The following ARB2A variants were observed in gnomAD, a reference collection of about 807,000 sequenced individuals.
The protein encoded by ARB2A is cotranscriptional regulator ARB2A.
the ARB2A span, among the ~76,000 whole-genome samples, chr5:93,971,568 A>AT: frequency 2.4e-5 from 3 of 127,208 alleles, no homozygotes; most frequent in East Asian, 4.4e-4. Context: ...ACTCCGTCTC[A>AT]AAAATAAATA....
the ARB2A span, among the ~76,000 whole-genome samples, chr5:93,793,239 A>ATTTT: frequency 4.6e-5 from 3 of 64,780 alleles, 1 homozygote; most frequent in Admixed American, 5.2e-4. Context: ...CTTCTGGCTA[A>ATTTT]TTTTTTTTTT....
At chr5:93,804,090 T>C in the ARB2A span, among the ~76,000 whole-genome samples, 1 of 152,008 alleles carries the variant, frequency 6.6e-6, no homozygotes, top group Non-Finnish European at 1.5e-5. Flanking sequence ...TTTGGAAATA[T>C]ATGTACACAG....
chr5:93,989,842 T>C, the ARB2A span, among the ~76,000 whole-genome samples: 1 of 152,164 alleles, frequency 6.6e-6, no homozygotes, highest in Non-Finnish European at 1.5e-5. Flanking sequence ...GCACTCAGTA[T>C]AACATCATCA....
the ARB2A span, among the ~76,000 whole-genome samples, chr5:93,666,561 T>A: frequency 6.6e-6 from 1 of 151,980 alleles, no homozygotes; most frequent in Non-Finnish European, 1.5e-5. Context: ...TCCTGGTCCA[T>A]TTAACAGAGA....
chr5:93,817,980 A>G, the ARB2A span, among the ~76,000 whole-genome samples: 1 of 152,254 alleles, frequency 6.6e-6, no homozygotes, highest in Non-Finnish European at 1.5e-5. Flanking sequence ...ATAAAGACCT[A>G]TGAAAAATCA....
At chr5:93,968,742 C>G in the ARB2A span, among the ~76,000 whole-genome samples, 1 of 151,762 alleles carries the variant, frequency 6.6e-6, no homozygotes, top group Non-Finnish European at 1.5e-5. Flanking sequence ...ATAAATAAAA[C>G]AAAGAAACAA....
chr5:93,646,298 T>A, the ARB2A span, among the ~76,000 whole-genome samples: 2 of 151,944 alleles, frequency 1.3e-5, no homozygotes, highest in Non-Finnish European at 2.9e-5. Context: ...TAATCTCTCA[T>A]GCCAAAAATA....
At chr5:93,634,304 G>T in the ARB2A span, among the ~76,000 whole-genome samples, 2 of 151,976 alleles carry the variant, frequency 1.3e-5, no homozygotes, top group East Asian at 3.9e-4. Context: ...GGAGGCTGAG[G>T]GGGGAGAATC....
chr5:93,828,789 T>G, the ARB2A span, among the ~76,000 whole-genome samples: 1 of 152,202 alleles, frequency 6.6e-6, no homozygotes, highest in Non-Finnish European at 1.5e-5. Context: ...TATTTTTTTA[T>G]TTTTTGAGAC....
the ARB2A span, among the ~76,000 whole-genome samples, chr5:93,629,271 C>A: frequency 1.5e-4 from 23 of 151,712 alleles, no homozygotes; most frequent in African/African-American, 5.6e-4. Flanking sequence ...TTCTTAGTGC[C>A]CCAAAATAGT....
At chr5:93,737,698 A>T in the ARB2A span, 1 of 246,096 alleles carries the variant, frequency 4.1e-6, no homozygotes. Flanking sequence ...TGTGTGGTCA[A>T]CTGATTTTTG....
At chr5:93,714,542 G>A in the ARB2A span, among the ~76,000 whole-genome samples, 1 of 152,042 alleles carries the variant, frequency 6.6e-6, no homozygotes, top group Non-Finnish European at 1.5e-5. Context: ...AGTGATCTTA[G>A]ATTAAAAAAA....
chr5:93,915,193 G>C, the ARB2A span, among the ~76,000 whole-genome samples: 1 of 151,966 alleles, frequency 6.6e-6, no homozygotes, highest in African/African-American at 2.4e-5. Flanking sequence ...AAGTTTTTCA[G>C]TTGCATTCAA....
At chr5:93,883,926 C>CACAT in the ARB2A span, among the ~76,000 whole-genome samples, 67 of 21,260 alleles carry the variant, frequency 3.2e-3, no homozygotes, top group East Asian at 0.033. Context: ...CATACACATA[C>CACAT]ACACACACAC....
At chr5:93,891,154 T>C in the ARB2A span, among the ~76,000 whole-genome samples, 2 of 152,090 alleles carry the variant, frequency 1.3e-5, no homozygotes, top group Non-Finnish European at 2.9e-5. Flanking sequence ...AGGAAGCACA[T>C]AGTCCTTTTT....
At chr5:93,899,247 T>A in the ARB2A span, among the ~76,000 whole-genome samples, 2 of 152,230 alleles carry the variant, frequency 1.3e-5, no homozygotes, top group African/African-American at 4.8e-5. Flanking sequence ...ATCCATTAGC[T>A]AAAGAGCAGC....
the ARB2A span, among the ~76,000 whole-genome samples, chr5:94,047,351 G>C: frequency 6.6e-6 from 1 of 152,148 alleles, no homozygotes; most frequent in African/African-American, 2.4e-5. Context: ...AATTAGCCAG[G>C]TGTGGTGGTG....
At chr5:93,776,328 A>G in the ARB2A span, 3 of 1,024,240 alleles carry the variant, frequency 2.9e-6, no homozygotes, top group Non-Finnish European at 4.4e-6. Flanking sequence ...ATCCTATAAA[A>G]TCAACCACTA....
At chr5:93,618,248 A>G in the ARB2A span, 1 of 152,140 alleles carries the variant, frequency 6.6e-6, no homozygotes, top group Non-Finnish European at 1.5e-5. Flanking sequence ...TTCTTTTCAA[A>G]TATCCATGAA....
Sources: gnomAD v4.1 joint callset for allele counts (sites outside exome capture counted in the v4.1 genomes callset) on GRCh38, gnomAD v4.1.1 for gene constraint, MANE v1.5 for transcripts, NCBI Gene and HGNC (gene_info 2026-07-23, HGNC 2026-07-21) for gene names.